The following DNAH8 variants were observed in gnomAD, a reference collection of about 807,000 sequenced individuals.
DNAH8 encodes dynein axonemal heavy chain 8.
A neutral mutation model predicts 562.1 loss-of-function variants in DNAH8; 382 were observed. The ratio of observed to expected loss-of-function variants is 0.68; its 90% confidence interval spans 0.63 to 0.74. The LOEUF is 0.74. Ranked by LOEUF, DNAH8 falls within the 30% of genes least tolerant of loss-of-function variation. The pLI, the probability that DNAH8 is intolerant of heterozygous loss-of-function variation, is 0.00. For missense variants in DNAH8, 5,203 were observed against 5,620.4 expected (o/e 0.93, Z 2.37); for synonymous variants, 1,881 against 1,919.4 (o/e 0.98, Z 0.52).
At chr6:38,726,688 A>G (rs1723074065) in intron 3 of DNAH8, among the ~76,000 whole-genome samples, 1 of 152,086 alleles carries the variant, frequency 6.6e-6, no homozygotes, top group Admixed American at 6.5e-5. Flanking sequence ...AACCTGAAAG[A>G]TTAGAATGTT....
chr6:38,896,259 G>A, intron 60 of DNAH8, 34 bp downstream of exon 60: 1 of 1,552,478 alleles, frequency 6.4e-7, no homozygotes, highest in Non-Finnish European at 8.9e-7. Flanking sequence ...GAGGTTTTCA[G>A]ATTGCTCACC....
At chr6:38,739,091 ATTGCCTGTTCATATCAT>A (rs1482461905) in intron 7 of DNAH8, among the ~76,000 whole-genome samples, 1 of 151,802 alleles carries the variant, frequency 6.6e-6, no homozygotes, top group East Asian at 1.9e-4. Flanking sequence ...TACCCATATC[ATTGCCTGTTCATATCAT>A]TTGCCTATAT....
At chr6:38,883,259 C>T in intron 54 of DNAH8, 63 bp from the exon 55 acceptor site, 1 of 1,508,954 alleles carries the variant, frequency 6.6e-7, no homozygotes, top group Non-Finnish European at 8.9e-7. Flanking sequence ...CCCATAGAAT[C>T]ATAAGATATT....
At chr6:38,893,784 A>G (rs1478376397) in intron 58 of DNAH8, among the ~76,000 whole-genome samples, 2 of 152,266 alleles carry the variant, frequency 1.3e-5, no homozygotes, top group Non-Finnish European at 2.9e-5. Flanking sequence ...ATTTATGAAC[A>G]GATGCTAAAG....
chr6:38,767,765 TGTAA>T (rs1466543210), intron 11 of DNAH8, among the ~76,000 whole-genome samples: 2 of 152,214 alleles, frequency 1.3e-5, no homozygotes, highest in Non-Finnish European at 2.9e-5. Context: ...ACATTTGGTG[TGTAA>T]GTATCTGTTT....
chr6:38,760,372 C>G (rs1391159922), intron 10 of DNAH8, among the ~76,000 whole-genome samples: 2 of 152,054 alleles, frequency 1.3e-5, no homozygotes. Context: ...TAATATGATT[C>G]TTGTTTCCTT....
At chr6:38,739,805 C>G (rs904561682) in intron 7 of DNAH8, among the ~76,000 whole-genome samples, 6 of 152,128 alleles carry the variant, frequency 3.9e-5, no homozygotes, top group Non-Finnish European at 7.3e-5. Context: ...TAGTTTTACC[C>G]TGTCTCCTAC....
chr6:38,984,163 G>A, intron 86 of DNAH8, 43 bp from the exon 87 acceptor site: 1 of 1,195,782 alleles, frequency 8.4e-7, no homozygotes, highest in Non-Finnish European at 1.2e-6. Context: ...ATAATGATGT[G>A]TTTGGGTTGA....
At chr6:38,759,188 G>A (rs115361554) in intron 10 of DNAH8, among the ~76,000 whole-genome samples, 4,592 of 152,022 alleles carry the variant, frequency 0.03, 221 homozygotes, top group African/African-American at 0.099. Context: ...TGTGCCTGTA[G>A]TCCTAGCTAT....
At chr6:38,975,381 G>A (rs960006688) in intron 85 of DNAH8, among the ~76,000 whole-genome samples, 13 of 152,200 alleles carry the variant, frequency 8.5e-5, no homozygotes, top group African/African-American at 3.1e-4. Context: ...CTGGGGTTGG[G>A]GTGAAGGACA....
At chr6:38,934,091 C>T (rs10807199) in intron 76 of DNAH8, among the ~76,000 whole-genome samples, 54,468 of 151,734 alleles carry the variant, frequency 0.36, 11,248 homozygotes, top group Non-Finnish European at 0.47. Flanking sequence ...GGTGGCTCAC[C>T]CCTGTATTCC....
rs1285842200 is a variant in DNAH8 at position 38,931,870 on chromosome 6, G to A, written c.11334G>A (p.Thr3778=). Residue 3778 remains threonine (T), a synonymous_variant, in exon 76 of 93, where the codon ACG becomes ACA. Coordinates refer to ENST00000327475, the MANE Select transcript of DNAH8 (RefSeq NM_001206927.2). ...ATACATTTAAACTTTACATTACTAC[G>A]AAGTTACCAAATCCTGCCTTTACCC... ...IMDTFKLYIT[T]KLPNPAFTPE... is the part of the protein sequence containing the mutation. The A allele has an allele frequency of 5.0e-6, 8 of 1,610,208 alleles. No homozygotes were observed. The highest frequency in any genetic ancestry group is 4.5e-5 in the East Asian group (2 of 44,598).
intron 88 of DNAH8, among the ~76,000 whole-genome samples, chr6:39,005,879 G>T (rs1765768792): frequency 6.6e-6 from 1 of 152,152 alleles, no homozygotes; most frequent in South Asian, 2.1e-4. Context: ...TTTTGTTTTT[G>T]GTTTTCTACG....
At position 38,803,263 on chromosome 6, in the gene DNAH8, G is replaced by A; in HGVS notation, c.2986G>A (p.Glu996Lys). 1 of 1,608,872 alleles carries A rather than the reference G, an allele frequency of 6.2e-7. No homozygotes were observed. The part of the protein sequence containing the change: ...EAVRELISIF[E>K]QIYEVKYTGK... ...TGTCAGAGAACTTATATCAATATTT[G>A]AGCAGATTTATGAAGTGAAATACAC... Residue 996 changes from glutamate (E) to lysine (K), a missense_variant, in exon 22 of 93, where the codon GAG becomes AAG. By Grantham distance (56) the Glu-to-Lys change is moderately conservative (BLOSUM62 1). Coordinates refer to ENST00000327475, the MANE Select transcript of DNAH8 (RefSeq NM_001206927.2).
chr6:38,869,641 T>C (rs186154540), intron 48 of DNAH8, among the ~76,000 whole-genome samples: 38 of 152,328 alleles, frequency 2.5e-4, no homozygotes, highest in Non-Finnish European at 5.9e-5. Context: ...TGATGGACTT[T>C]TGCAGCCATT....
chr6:38,997,980 A>G (rs932712527), intron 88 of DNAH8, among the ~76,000 whole-genome samples: 1 of 152,128 alleles, frequency 6.6e-6, no homozygotes, highest in Non-Finnish European at 1.5e-5. Context: ...CTGGTCTCGA[A>G]CTCCTGACCT....
chr6:38,786,812 C>T lies in DNAH8; in HGVS notation c.2443C>T (p.Leu815=), dbSNP rs201728691. ...FVRHPETGKL[L]VNFDPKILEV... The stretch of plus-strand genomic sequence containing the variant: ...GCGACATCCAGAAACAGGGAAGTTG[C>T]TGGTTAATTTCGATCCCAAAATTTT... Residue 815 remains leucine (L), a synonymous_variant, in exon 18 of 93, where the codon CTG becomes TTG. Transcript: ENST00000327475. 18 of 1,612,474 alleles carry T rather than the reference C, an allele frequency of 1.1e-5. No homozygotes were observed. The East Asian group carries it at 3.6e-4, about 32-fold the overall frequency.
chr6:38,932,206 A>ACG, intron 76 of DNAH8, among the ~76,000 whole-genome samples: 1 of 151,010 alleles, frequency 6.6e-6, no homozygotes, highest in African/African-American at 2.5e-5. Context: ...ACACACACAC[A>ACG]CACACACACA....
In DNAH8 at chr6:38,974,553, C is replaced by T; in HGVS notation, c.12834+24C>T. 3 of 1,604,498 alleles carry T rather than the reference C, an allele frequency of 1.9e-6. No individual in the cohort carries two copies. In the South Asian group the frequency reaches 3.3e-5, roughly 18 times the overall value. On this transcript the variant is annotated intron_variant, in intron 85 of 92. Transcript: ENST00000327475. ...AGGTAACTGCAGAAAGCAGTTTTCA[C>T]ATTTAGGAGATGGCCAGTGGTGTGC...
Sources: allele counts gnomAD v4.1 joint callset (sites outside exome capture counted in the v4.1 genomes callset), GRCh38; gene constraint gnomAD v4.1.1; transcripts MANE v1.5; gene names NCBI Gene and HGNC (gene_info 2026-07-23, HGNC 2026-07-21).